MBP: variants seen among roughly 807,000 people sequenced by gnomAD.
The protein encoded by MBP is Golli-MBP.
MBP carries 16 observed loss-of-function variants against 35.8 expected under a neutral mutation model. The observed-to-expected ratio is 0.45, with a 90% CI of 0.30 to 0.68. MBP has a LOEUF of 0.68. Among genes scored for constraint, MBP ranks in the 30% least tolerant of loss-of-function variants. The pLI is 0.08. For synonymous variants in MBP, 143 were observed against 159.6 expected, an observed-to-expected ratio of 0.90 and a Z score of 0.78; for missense variants, 380 against 404.7, an observed-to-expected ratio of 0.94 and a Z score of 0.52.
At chr18:77,094,917 G>A (rs1417780926) in intron 2 of MBP, among the ~76,000 whole-genome samples, 3 of 152,176 alleles carry the variant, frequency 2.0e-5, no homozygotes, top group Non-Finnish European at 4.4e-5. Context: ...AGAGGCTAAC[G>A]TGTCACCAGG....
chr18:77,067,551 C>T (rs1205114412), intron 2 of MBP, among the ~76,000 whole-genome samples: 2 of 152,182 alleles, frequency 1.3e-5, no homozygotes, highest in African/African-American at 4.8e-5. Flanking sequence ...GTTCACTTCT[C>T]AGAATGCACA....
intron 2 of MBP, 102 bp downstream of exon 2, chr18:77,105,107 AGT>A (rs1250573295): frequency 1.2e-5 from 10 of 855,902 alleles, no homozygotes; most frequent in South Asian, 8.0e-5. Context: ...GTCAGGGAAG[AGT>A]GTAGCAGCAA....
At chr18:77,035,082 C>CG (rs1238873921) in intron 3 of MBP, among the ~76,000 whole-genome samples, 1 of 152,188 alleles carries the variant, frequency 6.6e-6, no homozygotes, top group Admixed American at 6.5e-5. Flanking sequence ...CACAGCTCCC[C>CG]GGGCACCCAG....
intron 2 of MBP, among the ~76,000 whole-genome samples, chr18:77,073,718 C>T (rs778064941): frequency 1.2e-4 from 19 of 152,182 alleles, no homozygotes; most frequent in Non-Finnish European, 2.4e-4. Flanking sequence ...GTGGATCCTG[C>T]CTGGCTTGCA....
chr18:77,089,656 C>T (rs539981750), intron 2 of MBP, among the ~76,000 whole-genome samples: 18 of 152,318 alleles, frequency 1.2e-4, no homozygotes, highest in African/African-American at 3.8e-4. Flanking sequence ...TGTGGCAGTT[C>T]GTGGGAGTAG....
chr18:77,101,112 G>A lies in MBP; in HGVS notation c.51+4099C>T, dbSNP rs1271185325. Among the ~76,000 whole-genome samples the A allele has an allele frequency of 1.3e-5, 2 of 152,218 alleles. No homozygotes were observed. The highest frequency in any genetic ancestry group is 2.4e-5 in the African/African-American group (1 of 41,458). ...TAGCCAGTGAAGCCAAGTGTCTTACGTCCTAAGGACCAAGGACTGCCAGGC... is the reference window on the plus strand; with the variant it reads ...TAGCCAGTGAAGCCAAGTGTCTTACATCCTAAGGACCAAGGACTGCCAGGC... On this transcript the variant is annotated intron_variant, in intron 2 of 8. Coordinates refer to ENST00000355994, the MANE Select transcript of MBP (RefSeq NM_001025101.2). This position sits in a 1 kb window ranked among gnomAD's most constrained non-coding sequence, Gnocchi z 4.3.
intron 3 of MBP, among the ~76,000 whole-genome samples, chr18:77,064,825 G>A (rs915585126): frequency 6.6e-4 from 100 of 152,328 alleles, no homozygotes; most frequent in African/African-American, 2.3e-3. Flanking sequence ...AAAGGGATGC[G>A]TATTTTAGTA....
intron 3 of MBP, among the ~76,000 whole-genome samples, chr18:77,029,219 G>C (rs1025901401): frequency 6.9e-6 from 1 of 145,562 alleles, no homozygotes; most frequent in Non-Finnish European, 1.5e-5. Context: ...GACCAGCCCG[G>C]CCAACACAGC....
At chr18:77,126,621 C>G (rs1977058874) in intron 1 of MBP, among the ~76,000 whole-genome samples, 1 of 152,108 alleles carries the variant, frequency 6.6e-6, no homozygotes, top group Non-Finnish European at 1.5e-5. Flanking sequence ...ACATGATGAT[C>G]TACATAGACA....
chr18:77,014,444 C>A (rs1341663317), intron 4 of MBP: 2 of 985,460 alleles, frequency 2.0e-6, no homozygotes, highest in Non-Finnish European at 2.4e-6. Flanking sequence ...GTGGGGCAGG[C>A]CGCCGTGGTC....
intron 4 of MBP, among the ~76,000 whole-genome samples, chr18:77,012,197 T>C (rs1389571132): frequency 5.9e-5 from 9 of 152,220 alleles, no homozygotes; most frequent in Admixed American, 5.9e-4. Flanking sequence ...ATACACTCAT[T>C]ATCATCTTTC....
intron 3 of MBP, among the ~76,000 whole-genome samples, chr18:77,052,628 T>C (rs1973536801): frequency 6.6e-6 from 1 of 152,178 alleles, no homozygotes; most frequent in South Asian, 2.1e-4. Context: ...CAGCTATGAT[T>C]TATGAGTGTT....
intron 3 of MBP, among the ~76,000 whole-genome samples, chr18:77,053,453 A>G (rs2060006548): frequency 6.6e-6 from 1 of 152,264 alleles, no homozygotes; most frequent in Admixed American, 6.5e-5. Context: ...TCCAAAGAAC[A>G]AAAGCATCTC....
Position 77,079,392 on chromosome 18 carries a change from G to T in MBP, c.52-13007C>A, listed in dbSNP as rs1974796950. On this transcript the variant is annotated intron_variant, in intron 2 of 8. Coordinates refer to ENST00000355994, the MANE Select transcript of MBP (RefSeq NM_001025101.2). ...CTTAGGGCAAAGCTCAAACATGTAG[G>T]TTTGGAGATAAATAGAACAAGTCAG... is the stretch of plus-strand genomic sequence containing the variant. Among the ~76,000 whole-genome samples the T allele has an allele frequency of 3.9e-5, 6 of 152,170 alleles. No individual in the cohort carries two copies. In the South Asian group the frequency reaches 1.2e-3, roughly 31 times the overall value.
rs1216909565 is a variant in MBP, at chr18:77,017,204, C to T, written c.204G>A (p.Lys68=). The T allele has an allele frequency of 6.5e-7, 1 of 1,530,252 alleles. No individual in the cohort carries two copies. Among genetic ancestry groups the T allele is most frequent in the East Asian group, 2.3e-5 (1 of 44,218 alleles). 94.8% of individuals were successfully genotyped at this position (1,530,252 alleles called of 1,614,324 possible). ...AGGCATTCTTCGGGTCCGCTGTGCG[C>T]TTGGAGTCAGTCACCGCTGTGTCCT... The part of the protein sequence containing the change: ...SSQDTAVTDS[K]RTADPKNAWQ... Residue 68 remains lysine, a synonymous_variant, in exon 4 of 9, where the codon AAG becomes AAA. Transcript: ENST00000355994.
At chr18:77,095,528 T>C (rs946006942) in intron 2 of MBP, 2 of 152,254 alleles carry the variant, frequency 1.3e-5, no homozygotes, top group Non-Finnish European at 2.9e-5. Flanking sequence ...GAAGTGACTT[T>C]CTGAGTGATC....
chr18:77,081,856 ATTTTTTT>A, intron 2 of MBP, among the ~76,000 whole-genome samples: 1 of 133,848 alleles, frequency 7.5e-6, no homozygotes, highest in South Asian at 2.5e-4. Flanking sequence ...ATATATATAT[ATTTTTTT>A]TTTTTTGAGA....
chr18:76,979,779 G>T lies in MBP; in HGVS notation c.*648C>A, dbSNP rs945325319. The T allele has an allele frequency of 1.0e-5, 6 of 594,202 alleles. No homozygotes were observed. Among genetic ancestry groups the T allele is most frequent in the African/African-American group, 7.5e-5 (4 of 53,468 alleles). 36.8% of individuals were successfully genotyped at this position (594,202 alleles called of 1,614,324 possible). On this transcript the variant is annotated 3_prime_UTR_variant, in exon 9 of 9. Transcript: ENST00000355994. ...CCACACGCGAATTCAGCTAATTGGG[G>T]TGTGTGGGCAGCCACGGCCTGGGGA...
intron 4 of MBP, among the ~76,000 whole-genome samples, chr18:77,000,187 T>C (rs935874502): frequency 1.4e-4 from 21 of 152,218 alleles, no homozygotes; most frequent in Non-Finnish European, 2.5e-4. Context: ...TACATGCTCA[T>C]ATGAAGATAT....
Sources: gnomAD v4.1 joint callset for allele counts (sites outside exome capture counted in the v4.1 genomes callset) on GRCh38, gnomAD v4.1.1 for gene constraint, Gnocchi (gnomAD v3.1) non-coding constraint, MANE v1.5 for transcripts, NCBI Gene and HGNC (gene_info 2026-07-23, HGNC 2026-07-21) for gene names.